POU2F1: variants seen among roughly 807,000 people sequenced by gnomAD.
POU2F1 encodes the protein POU domain, class 2, transcription factor 1.
In POU2F1, 16 loss-of-function variants were observed where a neutral mutation model predicts 84.9. The observed-to-expected ratio is 0.19, with a 90% CI of 0.13 to 0.29. POU2F1 has a LOEUF of 0.29. Among genes scored for constraint, POU2F1 ranks in the 10% least tolerant of loss-of-function variants. The probability of loss-of-function intolerance (pLI) is 1.00; values close to 1 mark genes in which losing one functional copy is unlikely to be tolerated. For synonymous variants in POU2F1, 368 were observed against 368.3 expected, an observed-to-expected ratio of 1.00 and a Z score of 0.01; for missense variants, 738 against 942.6, an observed-to-expected ratio of 0.78 and a Z score of 2.84.
chr1:167,424,265 A>G lies in POU2F1; in HGVS notation c.*8455A>G, dbSNP rs2101970946. The G allele has an allele frequency of 6.6e-6, 1 of 152,386 alleles. No individual in the cohort carries two copies. The highest frequency in any genetic ancestry group is 2.1e-4 in the South Asian group (1 of 4,834). The allele number at this position is 152,386 out of a possible 1,614,324, so 9.4% of individuals were successfully genotyped here. A position where few individuals can be genotyped will look rare whatever the true frequency, so the allele number is the denominator to read the frequency against. On this transcript the variant is annotated 3_prime_UTR_variant, in exon 16 of 16. Coordinates refer to ENST00000367866, the MANE Select transcript of POU2F1 (RefSeq NM_002697.4). ...AAGCCTAAGATTTTGCAATCATATT[A>G]TAACATTGGCTTTTGACAACATAAA... is the stretch of plus-strand genomic sequence containing the variant.
chr1:167,372,627 T>C (rs1571390799), intron 5 of POU2F1, among the ~76,000 whole-genome samples: 1 of 152,246 alleles, frequency 6.6e-6, no homozygotes, highest in Non-Finnish European at 1.5e-5. Flanking sequence ...GTAAAACTTA[T>C]AGAACGGTGC....
In POU2F1 at chr1:167,420,533, A is replaced by G. The variant is rs987898848; in HGVS notation, c.*4723A>G. 3 of 152,232 alleles carry G rather than the reference A, an allele frequency of 2.0e-5. No homozygotes were observed. The highest frequency in any genetic ancestry group is 7.2e-5 in the African/African-American group (3 of 41,448). The allele number at this position is 152,232 out of a possible 1,614,324, so 9.4% of individuals were successfully genotyped here. On this transcript the variant is annotated 3_prime_UTR_variant, in exon 16 of 16. Transcript: ENST00000367866. ...TTAGTGTAGAATAAACGCTTGGCTT[A>G]TAGAACTCTCTGTTCTTAGTCTAAA...
intron 8 of POU2F1, among the ~76,000 whole-genome samples, chr1:167,384,531 G>T (rs1488311287): frequency 6.6e-6 from 1 of 151,738 alleles, no homozygotes; most frequent in African/African-American, 2.4e-5. Flanking sequence ...TATAAATTAG[G>T]TGACTGAACT....
At chr1:167,333,541 G>A (rs955500060) in intron 2 of POU2F1, among the ~76,000 whole-genome samples, 1 of 152,158 alleles carries the variant, frequency 6.6e-6, no homozygotes, top group African/African-American at 2.4e-5. Flanking sequence ...TTGGACTAAT[G>A]TAGCAGTTTT....
At chr1:167,297,275 T>C (rs1285419143) in intron 1 of POU2F1, among the ~76,000 whole-genome samples, 1 of 152,192 alleles carries the variant, frequency 6.6e-6, no homozygotes, top group African/African-American at 2.4e-5. Flanking sequence ...TATTTGTTAT[T>C]GGTAGTTTGC....
chr1:167,389,440 C>T lies in POU2F1; in HGVS notation c.814-148C>T. The T allele has an allele frequency of 6.8e-6, 5 of 740,568 alleles. No individual in the cohort carries two copies. In the South Asian group the frequency reaches 1.1e-4, roughly 16 times the overall value. 45.9% of individuals were successfully genotyped at this position (740,568 alleles called of 1,614,324 possible). On this transcript the variant is annotated intron_variant, in intron 8 of 15. Coordinates refer to ENST00000367866, the MANE Select transcript of POU2F1 (RefSeq NM_002697.4). The stretch of plus-strand genomic sequence containing the variant: ...ACATAATTTCACTGTCTGCTTTGCT[C>T]ACTGAACATTATGTTGTACATTCTG...
At chr1:167,334,088 T>C (rs2101733848) in intron 2 of POU2F1, among the ~76,000 whole-genome samples, 1 of 151,648 alleles carries the variant, frequency 6.6e-6, no homozygotes, top group South Asian at 2.1e-4. Flanking sequence ...TCCCTGTATC[T>C]ACTTTAATGC....
chr1:167,307,904 G>A (rs150797704), intron 1 of POU2F1, among the ~76,000 whole-genome samples: 1 of 152,186 alleles, frequency 6.6e-6, no homozygotes, highest in African/African-American at 2.4e-5. Context: ...TAGGGTCATG[G>A]CACTTTGGAA....
chr1:167,400,454 T>G (rs1649131444), intron 12 of POU2F1, among the ~76,000 whole-genome samples: 1 of 152,236 alleles, frequency 6.6e-6, no homozygotes, highest in Non-Finnish European at 1.5e-5. Flanking sequence ...TTTATTCATG[T>G]TGAGTCCTAA....
intron 1 of POU2F1, among the ~76,000 whole-genome samples, chr1:167,304,540 G>A: frequency 6.6e-6 from 1 of 152,026 alleles, no homozygotes; most frequent in East Asian, 1.9e-4. Flanking sequence ...ACTGATTATG[G>A]AATCATTTCC....
rs367728361 is a variant in POU2F1 at position 167,359,132 on chromosome 1, A to G, written c.128-6335A>G. On this transcript the variant is annotated intron_variant, in intron 2 of 15. Transcript: ENST00000367866. ...TCTCTGTACCATTTAATAGTATTAAACCACTCCATCCTTGTAGCTTTCTCA... is the reference window on the plus strand; with the variant it reads ...TCTCTGTACCATTTAATAGTATTAAGCCACTCCATCCTTGTAGCTTTCTCA... 1.5e-4 allele frequency among the ~76,000 whole-genome samples: 23 copies of G among 151,572 alleles called. No homozygotes were observed. The South Asian group carries it at 4.6e-3, about 30-fold the overall frequency.
chr1:167,355,691 T>A (rs1026841452), intron 2 of POU2F1, among the ~76,000 whole-genome samples: 1 of 152,172 alleles, frequency 6.6e-6, no homozygotes, highest in Admixed American at 6.5e-5. Flanking sequence ...AATTACTATT[T>A]TTTTTCACTA....
chr1:167,351,746 G>T (rs1031023867), intron 2 of POU2F1, among the ~76,000 whole-genome samples: 1 of 151,968 alleles, frequency 6.6e-6, no homozygotes, highest in Non-Finnish European at 1.5e-5. Flanking sequence ...CTAGAGAGGA[G>T]GGTGAAGGAT....
At chr1:167,223,254 C>T (rs1648372001) in intron 1 of POU2F1, among the ~76,000 whole-genome samples, 1 of 152,144 alleles carries the variant, frequency 6.6e-6, no homozygotes, top group Admixed American at 6.5e-5. Context: ...AACTTATTCT[C>T]CTCCCAGCAC....
intron 1 of POU2F1, among the ~76,000 whole-genome samples, chr1:167,308,176 C>T (rs544566513): frequency 2.6e-5 from 4 of 152,034 alleles, no homozygotes; most frequent in Admixed American, 6.5e-5. Flanking sequence ...AAGCAATTCT[C>T]CTGTCTCAGC....
rs1218772257 is a variant in POU2F1, at chr1:167,365,469, A to T, written c.130A>T (p.Thr44Ser). 5 of 1,574,508 alleles carry T rather than the reference A, an allele frequency of 3.2e-6. No homozygotes were observed. The highest frequency in any genetic ancestry group is 2.6e-6 in the Non-Finnish European group (3 of 1,162,582). ...SMESGDGNTG[T>S]QTNGLDFQKQ... ...AAATTATTTTGCTTGCTTTCTAGGCACACAAACCAATGGTCTGGACTTTCA... is the reference window on the plus strand; with the variant it reads ...AAATTATTTTGCTTGCTTTCTAGGCTCACAAACCAATGGTCTGGACTTTCA... The change falls in exon 3 of 16, where the codon ACA becomes TCA. Residue 44 changes from threonine to serine, a missense_variant and splice_region_variant. Around this residue, in one of 4 missense-constraint regions of POU2F1, gnomAD observed 161 missense variants for 147.0 expected, o/e 1.10. Coordinates refer to ENST00000367866, the MANE Select transcript of POU2F1 (RefSeq NM_002697.4).
chr1:167,337,793 G>A (rs1233559524), intron 2 of POU2F1, among the ~76,000 whole-genome samples: 1 of 152,030 alleles, frequency 6.6e-6, no homozygotes, highest in Non-Finnish European at 1.5e-5. Context: ...CCTATTCTGA[G>A]AGGGAAAAAA....
At position 167,371,907 on chromosome 1, in the gene POU2F1, C is replaced by G. The variant is rs1660022079; in HGVS notation, c.283-10C>G. The stretch of plus-strand genomic sequence containing the variant: ...TTGCAATCTTTTATTTCCTACCCAC[C>G]CCACCTCAGTCTAAATCTAATGAAG... On this transcript the variant is annotated splice_polypyrimidine_tract_variant and intron_variant, in intron 4 of 15. Coordinates refer to ENST00000367866, the MANE Select transcript of POU2F1 (RefSeq NM_002697.4). 6.2e-7 allele frequency: 1 copy of G among 1,613,858 alleles called. No homozygotes were observed. Among genetic ancestry groups the G allele is most frequent in the African/African-American group, 1.3e-5 (1 of 74,854 alleles).
At chr1:167,264,676 C>G (rs1019851020) in intron 1 of POU2F1, among the ~76,000 whole-genome samples, 3 of 152,180 alleles carry the variant, frequency 2.0e-5, no homozygotes, top group Non-Finnish European at 4.4e-5. Flanking sequence ...ATTAGCTAGT[C>G]TCAGCTTCCA....
Sources: allele counts gnomAD v4.1 joint callset (sites outside exome capture counted in the v4.1 genomes callset), GRCh38; gene constraint gnomAD v4.1.1; regional missense constraint gnomAD v4.1.1; transcripts MANE v1.5; gene names NCBI Gene and HGNC (gene_info 2026-07-23, HGNC 2026-07-21).